Variants in ADAP2 observed in about 807,000 individuals in gnomAD.
The protein encoded by ADAP2 is ArfGAP with dual PH domains 2, also known as arf-GAP with dual PH domain-containing protein 2.
In ADAP2, 42 loss-of-function variants were observed where a neutral mutation model predicts 54.9. The ratio of observed to expected loss-of-function variants is 0.77; its 90% CI spans 0.60 to 0.99. The LOEUF (loss-of-function observed/expected upper bound fraction) is 0.99, where lower values mean the gene tolerates loss of function less well. ADAP2 is among the 50% of genes least tolerant of loss of function. The probability of loss-of-function intolerance (pLI) is 0.00; values close to 1 mark genes in which losing one functional copy is unlikely to be tolerated. For synonymous variants in ADAP2, 177 were observed against 180.1 expected, an observed-to-expected ratio of 0.98 and a Z score of 0.14; for missense variants, 429 against 480.4, an observed-to-expected ratio of 0.89 and a Z score of 1.00.
rs531086712 is a variant in ADAP2, at chr17:30,954,677, T to C, written c.882+122T>C. On this transcript the variant is annotated intron_variant, in intron 9 of 10. Coordinates refer to ENST00000330889, the MANE Select transcript of ADAP2 (RefSeq NM_018404.3). Reference sequence around the variant, plus strand: ...CCAGAGCCCCAGAGCTAGAGAAACCTTGAGAGGAAAACCTCTACCCCTTGT... The same window carrying C: ...CCAGAGCCCCAGAGCTAGAGAAACCCTGAGAGGAAAACCTCTACCCCTTGT... 9.5e-5 allele frequency: 76 copies of C among 798,866 alleles called. No homozygotes were observed. The East Asian group carries it at 1.9e-3, about 20-fold the overall frequency. 49.5% of individuals were successfully genotyped at this position (798,866 alleles called of 1,614,324 possible). A position where few individuals can be genotyped will look rare whatever the true frequency, so the allele number is the denominator to read the frequency against.
At position 30,956,453 on chromosome 17, in the gene ADAP2, G is replaced by A. The variant is rs761848186; in HGVS notation, c.1095G>A (p.Thr365=). 4.4e-5 allele frequency: 71 copies of A among 1,614,004 alleles called. No homozygotes were observed. The highest frequency in any genetic ancestry group is 5.2e-5 in the Non-Finnish European group (61 of 1,179,994). ...SLRGVLSSPL[T]PLNRLTASTE... ...GGGGTGTCCTGTCCAGCCCCTTGAC[G>A]CCCCTCAACCGGCTTAGTAAGAAGC... The change falls in exon 10 of 11, where the codon ACG becomes ACA. Residue 365 remains threonine, a synonymous_variant. Transcript: ENST00000330889.
chr17:30,943,601 A>G lies in ADAP2; in HGVS notation c.511-1306A>G, dbSNP rs552834189. 5.9e-5 allele frequency among the ~76,000 whole-genome samples: 9 copies of G among 151,398 alleles called. 1 individual carries two copies. The highest frequency in any genetic ancestry group is 2.2e-4 in the African/African-American group (9 of 41,254). On this transcript the variant is annotated intron_variant, in intron 5 of 10. Coordinates refer to ENST00000330889, the MANE Select transcript of ADAP2 (RefSeq NM_018404.3). ...CAGTGGCTCATGCTTGTAATCCCAG[A>G]ACTTTGGGAGGCCGAGGCAGGTGGA...
rs1910644802 is a variant in ADAP2 at position 30,922,032 on chromosome 17, C to T, written c.18C>T (p.Arg6=). Residue 6 remains arginine, a synonymous_variant, in exon 1 of 11, where the codon CGC becomes CGT. Coordinates refer to ENST00000330889, the MANE Select transcript of ADAP2 (RefSeq NM_018404.3). ...GGCCGGCCATGGGCGATCGCGAGCG[C>T]AACAAGAAGCGGCTGCTGGAGCTGC... MGDRE[R]NKKRLLELLR... is the part of the protein sequence containing the mutation. 3 of 1,277,206 alleles carry T rather than the reference C, an allele frequency of 2.3e-6. No individual in the cohort carries two copies. The highest frequency in any genetic ancestry group is 3.0e-6 in the Non-Finnish European group (3 of 1,016,518). The allele number at this position is 1,277,206 out of a possible 1,614,324, so 79.1% of individuals were successfully genotyped here.
intron 8 of ADAP2, chr17:30,954,097 T>C (rs1307168948): frequency 5.6e-6 from 1 of 177,538 alleles, no homozygotes; most frequent in East Asian, 1.4e-4. Context: ...GGGCTTTCTC[T>C]CCCTGACCTA....
chr17:30,927,033 C>G, intron 3 of ADAP2, 115 bp downstream of exon 3: 2 of 748,076 alleles, frequency 2.7e-6, no homozygotes, highest in Non-Finnish European at 2.3e-6. Context: ...GCCTGGTGCG[C>G]AGGTGGATCC....
chr17:30,933,909 C>G (rs557534198), intron 4 of ADAP2, among the ~76,000 whole-genome samples: 1 of 152,142 alleles, frequency 6.6e-6, no homozygotes, highest in African/African-American at 2.4e-5. Flanking sequence ...CAGGACTTTG[C>G]CTTCTTAAGG....
At position 30,958,028 on chromosome 17, in the gene ADAP2, G is replaced by A; in HGVS notation, c.*159G>A. On this transcript the variant is annotated 3_prime_UTR_variant, in exon 11 of 11. Transcript: ENST00000330889. The stretch of plus-strand genomic sequence containing the variant: ...ACTGAAGCTGTGGCTTTATCCATCA[G>A]CTCCCTGGGCCTTCCCCGCAACCCA... 1 of 710,010 alleles carries A rather than the reference G, an allele frequency of 1.4e-6. No individual in the cohort carries two copies. Among genetic ancestry groups the A allele is most frequent in the South Asian group, 1.7e-5 (1 of 59,684 alleles). The allele number at this position is 710,010 out of a possible 1,614,324, so 44.0% of individuals were successfully genotyped here.
At chr17:30,938,300 C>T (rs1912032237) in intron 5 of ADAP2, among the ~76,000 whole-genome samples, 1 of 152,124 alleles carries the variant, frequency 6.6e-6, no homozygotes, top group African/African-American at 2.4e-5. Context: ...TATATGGGGG[C>T]TCTGTCTTTC....
intron 7 of ADAP2, among the ~76,000 whole-genome samples, chr17:30,952,978 A>G (rs1904790760): frequency 6.6e-6 from 1 of 152,150 alleles, no homozygotes; most frequent in Admixed American, 6.5e-5. Flanking sequence ...GTGGACCCTC[A>G]GAACATGTTG....
At chr17:30,956,541 T>G in intron 10 of ADAP2, 72 bp downstream of exon 10, 3 of 1,353,754 alleles carry the variant, frequency 2.2e-6, no homozygotes, top group Non-Finnish European at 3.1e-6. Flanking sequence ...TTCACTTAGG[T>G]TCAGCTTTGA....
At chr17:30,944,018 C>T (rs1912473248) in intron 5 of ADAP2, among the ~76,000 whole-genome samples, 2 of 151,518 alleles carry the variant, frequency 1.3e-5, no homozygotes, top group Non-Finnish European at 2.9e-5. Context: ...TGGTGAAACC[C>T]CGTTTCTACT....
chr17:30,957,293 A>G (rs2142612521), intron 10 of ADAP2, among the ~76,000 whole-genome samples: 1 of 152,010 alleles, frequency 6.6e-6, no homozygotes, highest in East Asian at 1.9e-4. Context: ...GCCATTTATG[A>G]ATCTCTTGGT....
At chr17:30,929,280 A>G (rs1911304343) in intron 3 of ADAP2, among the ~76,000 whole-genome samples, 1 of 152,194 alleles carries the variant, frequency 6.6e-6, no homozygotes, top group South Asian at 2.1e-4. Context: ...AACCTTTCAC[A>G]TGCCACCCGA....
chr17:30,939,771 CAAAA>C (rs1334968924), intron 5 of ADAP2, among the ~76,000 whole-genome samples: 1 of 55,922 alleles, frequency 1.8e-5, no homozygotes. Context: ...ATTCCATTTC[CAAAA>C]AAAAAAAAAA....
At chr17:30,949,473 G>A in intron 7 of ADAP2, 103 bp downstream of exon 7, 1 of 1,102,214 alleles carries the variant, frequency 9.1e-7, no homozygotes, top group Non-Finnish European at 1.4e-6. Context: ...CTAGGGCTGG[G>A]CGCGGTGGCT....
Position 30,926,871 on chromosome 17 carries a change from A to G in ADAP2, c.270A>G (p.Glu90=), listed in dbSNP as rs187679472. Residue 90 remains glutamate, a synonymous_variant, in exon 3 of 11, where the codon GAA becomes GAG. Transcript: ENST00000330889. ...NGNLRVKAKF[E]ARVPAFYYIP... is the part of the protein sequence containing the mutation. Reference sequence around the variant, plus strand: ...ACCTCCGTGTGAAGGCCAAGTTCGAAGCCAGAGTCCCAGCTTTCTACTACA... The same window carrying G: ...ACCTCCGTGTGAAGGCCAAGTTCGAGGCCAGAGTCCCAGCTTTCTACTACA... The G allele has an allele frequency of 1.2e-6, 2 of 1,614,190 alleles. No homozygotes were observed. Among genetic ancestry groups the G allele is most frequent in the Admixed American group, 3.3e-5 (2 of 60,020 alleles).
intron 5 of ADAP2, among the ~76,000 whole-genome samples, chr17:30,939,678 G>A (rs1222117920): frequency 6.7e-6 from 1 of 150,110 alleles, no homozygotes; most frequent in Admixed American, 6.6e-5. Flanking sequence ...GGCTGAGGCA[G>A]GAGAATGGCC....
At chr17:30,928,926 AGCGGGTATGTCTG>A (rs1302515274) in intron 3 of ADAP2, among the ~76,000 whole-genome samples, 1 of 152,170 alleles carries the variant, frequency 6.6e-6, no homozygotes, top group African/African-American at 2.4e-5. Context: ...CCAGCCTCAT[AGCGGGTATGTCTG>A]GCAAACAGAA....
chr17:30,933,016 T>C (rs997193389), intron 4 of ADAP2, among the ~76,000 whole-genome samples: 2 of 152,134 alleles, frequency 1.3e-5, no homozygotes, highest in Admixed American at 6.6e-5. Context: ...CTTTCGACCA[T>C]TGTGCAGGGT....
Sources: gnomAD v4.1 joint callset for allele counts (sites outside exome capture counted in the v4.1 genomes callset) on GRCh38, gnomAD v4.1.1 for gene constraint, MANE v1.5 for transcripts, NCBI Gene and HGNC (gene_info 2026-07-23, HGNC 2026-07-21) for gene names.